AKAIN1: variants seen among roughly 807,000 people sequenced by gnomAD.
AKAIN1 encodes A-kinase anchor inhibitor 1.
In AKAIN1, 3 loss-of-function variants were observed where a neutral mutation model predicts 3.7. That is an observed-to-expected ratio of 0.82 (90% CI 0.37 to 2.12). The LOEUF (loss-of-function observed/expected upper bound fraction) is 2.12, where lower values mean the gene tolerates loss of function less well. Ranked by LOEUF, AKAIN1 falls within the 30% of genes most tolerant of loss-of-function variation. AKAIN1 has a pLI of 0.06. For synonymous variants in AKAIN1, 31 were observed against 30.8 expected, an observed-to-expected ratio of 1.01 and a Z score of -0.02; for missense variants, 82 against 82.7, an observed-to-expected ratio of 0.99 and a Z score of 0.03.
At chr18:5,154,006 AGGATCACTTGTGTCT>A (rs1453746617) in intron 1 of AKAIN1, among the ~76,000 whole-genome samples, 2 of 152,306 alleles carry the variant, frequency 1.3e-5, no homozygotes, top group Admixed American at 1.3e-4. Context: ...CTGGGGCGGG[AGGATCACTTGTGTCT>A]GGGAGATCGA....
chr18:5,169,762 T>C (rs763848482), intron 1 of AKAIN1, among the ~76,000 whole-genome samples: 1 of 152,182 alleles, frequency 6.6e-6, no homozygotes, highest in Non-Finnish European at 1.5e-5. Flanking sequence ...AAAAACATTT[T>C]GTCCCAATTA....
At chr18:5,151,134 C>A (rs775683294) in intron 1 of AKAIN1, among the ~76,000 whole-genome samples, 8 of 144,652 alleles carry the variant, frequency 5.5e-5, no homozygotes, top group Non-Finnish European at 1.3e-4. Flanking sequence ...CCACTCCCTG[C>A]ACACACACTG....
At position 5,142,941 on chromosome 18, in the gene AKAIN1, G is replaced by T. The variant is rs1305467791; in HGVS notation, c.*2621C>A. Among the ~76,000 whole-genome samples the T allele has an allele frequency of 5.3e-5, 8 of 152,212 alleles. No homozygotes were observed. Among genetic ancestry groups the T allele is most frequent in the African/African-American group, 1.4e-4 (6 of 41,466 alleles). On this transcript the variant is annotated 3_prime_UTR_variant, in exon 2 of 2. Coordinates refer to ENST00000434239, the MANE Select transcript of AKAIN1 (RefSeq NM_001145194.2). ...TTTACAATACTGTTTGCACTGAACAGATGATTACAGCAGAGAAAAGTAACA... is the reference window on the plus strand; with the variant it reads ...TTTACAATACTGTTTGCACTGAACATATGATTACAGCAGAGAAAAGTAACA...
chr18:5,161,769 T>A (rs1035070384), intron 1 of AKAIN1, among the ~76,000 whole-genome samples: 10 of 152,182 alleles, frequency 6.6e-5, no homozygotes, highest in African/African-American at 2.4e-4. Context: ...TTTTCTCACA[T>A]CCACTGAGAT....
intron 1 of AKAIN1, among the ~76,000 whole-genome samples, chr18:5,177,745 T>G (rs2071234410): frequency 6.6e-6 from 1 of 152,182 alleles, no homozygotes; most frequent in Non-Finnish European, 1.5e-5. Context: ...ATAGAAGCCT[T>G]GAACCTAACT....
Position 5,145,593 on chromosome 18 carries a change from C to G in AKAIN1, c.179G>C (p.Gly60Ala), listed in dbSNP as rs929178332. The G allele has an allele frequency of 1.3e-6, 2 of 1,551,578 alleles. No individual in the cohort carries two copies. Among genetic ancestry groups the G allele is most frequent in the Admixed American group, 3.9e-5 (2 of 50,988 alleles). ...CTTTTCGTGCTTCTTGGTTAACTCC[C>G]CAACGCCCAGTTGGATGTGGTCCCG... ...DNRDHIQLGVGELTKKHEKK is the reference protein window; with the variant it reads ...DNRDHIQLGVAELTKKHEKK Residue 60 changes from glycine to alanine, a missense_variant, in exon 2 of 2, where the codon GGG (glycine) becomes GCG (alanine). By Grantham distance (60) the Gly-to-Ala change is moderately conservative. Transcript: ENST00000434239.
At chr18:5,168,044 G>A (rs577121629) in intron 1 of AKAIN1, among the ~76,000 whole-genome samples, 1 of 152,116 alleles carries the variant, frequency 6.6e-6, no homozygotes, top group East Asian at 1.9e-4. Context: ...TCCTTTCCCT[G>A]TACCCAAACC....
intron 1 of AKAIN1, among the ~76,000 whole-genome samples, chr18:5,152,204 A>C (rs969797557): frequency 1.3e-5 from 2 of 152,222 alleles, no homozygotes; most frequent in Admixed American, 6.5e-5. Flanking sequence ...TCAACACTAG[A>C]TACTGCCAGT....
chr18:5,197,001 T>C lies in AKAIN1; in HGVS notation c.16+37A>G. On this transcript the variant is annotated intron_variant, in intron 1 of 1. Coordinates refer to ENST00000434239, the MANE Select transcript of AKAIN1 (RefSeq NM_001145194.2). The surrounding 1 kb of genome is among the most constrained non-coding windows in gnomAD (Gnocchi z 6.9). ...CTCTCCGTCCTCTACCCTGCTCCCCTCCTAGACACTTGGTGAAAAAGCAAG... is the reference window on the plus strand; with the variant it reads ...CTCTCCGTCCTCTACCCTGCTCCCCCCCTAGACACTTGGTGAAAAAGCAAG... The C allele has an allele frequency of 6.5e-7, 1 of 1,526,778 alleles. No homozygotes were observed. The highest frequency in any genetic ancestry group is 2.5e-5 in the East Asian group (1 of 40,752). The allele number at this position is 1,526,778 out of a possible 1,614,324, so 94.6% of individuals were successfully genotyped here. A position where few individuals can be genotyped will look rare whatever the true frequency, so the allele number is the denominator to read the frequency against.
At chr18:5,187,185 G>A (rs2071292705) in intron 1 of AKAIN1, among the ~76,000 whole-genome samples, 1 of 152,100 alleles carries the variant, frequency 6.6e-6, no homozygotes, top group Non-Finnish European at 1.5e-5. Flanking sequence ...ATAATAAAGA[G>A]CAGGAATCAA....
In AKAIN1 at chr18:5,144,815, T is replaced by C. The variant is rs1376624767; in HGVS notation, c.*747A>G. On this transcript the variant is annotated 3_prime_UTR_variant, in exon 2 of 2. Coordinates refer to ENST00000434239, the MANE Select transcript of AKAIN1 (RefSeq NM_001145194.2). ...ATGAGGCTGCTAAGGAAATGAGTCA[T>C]TGGCAACTCACATGTGTAGACTCAC... 6.6e-6 allele frequency among the ~76,000 whole-genome samples: 1 copy of C among 152,204 alleles called. No individual in the cohort carries two copies. Among genetic ancestry groups the C allele is most frequent in the Non-Finnish European group, 1.5e-5 (1 of 68,034 alleles).
At chr18:5,162,299 G>A (rs542215252) in intron 1 of AKAIN1, among the ~76,000 whole-genome samples, 23 of 152,190 alleles carry the variant, frequency 1.5e-4, no homozygotes, top group African/African-American at 5.5e-4. Flanking sequence ...AAATCCTGCT[G>A]CTCTGACTGC....
chr18:5,145,373 A>G lies in AKAIN1; in HGVS notation c.*189T>C. ...CACTATGTCTCAGAGGCACTGCATA[A>G]ATATGAACAGAATCGTCTAATGCAC... On this transcript the variant is annotated 3_prime_UTR_variant, in exon 2 of 2. Coordinates refer to ENST00000434239, the MANE Select transcript of AKAIN1 (RefSeq NM_001145194.2). The G allele has an allele frequency of 2.0e-6, 1 of 511,838 alleles. No individual in the cohort carries two copies. The highest frequency in any genetic ancestry group is 3.9e-5 in the South Asian group (1 of 25,356). 31.7% of individuals were successfully genotyped at this position (511,838 alleles called of 1,614,324 possible).
chr18:5,171,980 AC>A (rs1350708446), intron 1 of AKAIN1, among the ~76,000 whole-genome samples: 19 of 152,332 alleles, frequency 1.2e-4, no homozygotes, highest in Middle Eastern at 6.8e-3. Flanking sequence ...AAAATGTGGT[AC>A]ACATACATAA....
intron 1 of AKAIN1, among the ~76,000 whole-genome samples, chr18:5,173,040 TA>T (rs1248694768): frequency 3.3e-5 from 5 of 152,118 alleles, no homozygotes; most frequent in Non-Finnish European, 7.4e-5. Flanking sequence ...ATTGAATCAT[TA>T]AAATCCCACA....
At chr18:5,189,587 T>C (rs2071307361) in intron 1 of AKAIN1, among the ~76,000 whole-genome samples, 1 of 152,156 alleles carries the variant, frequency 6.6e-6, no homozygotes, top group Non-Finnish European at 1.5e-5. Context: ...CACAATTCAG[T>C]CCATGTCCTT....
intron 1 of AKAIN1, among the ~76,000 whole-genome samples, chr18:5,160,156 C>T (rs932277772): frequency 6.6e-6 from 1 of 152,158 alleles, no homozygotes; most frequent in Non-Finnish European, 1.5e-5. Flanking sequence ...CTCAAATTCG[C>T]TAAGTATTGC....
At chr18:5,152,851 CGATGGCGCT>C (rs1456102491) in intron 1 of AKAIN1, among the ~76,000 whole-genome samples, 1 of 151,954 alleles carries the variant, frequency 6.6e-6, no homozygotes, top group Non-Finnish European at 1.5e-5. Context: ...GGGAGACGGG[CGATGGCGCT>C]GAAGAAAGGA....
chr18:5,196,569 G>A (rs1223010912), intron 1 of AKAIN1, among the ~76,000 whole-genome samples: 1 of 152,182 alleles, frequency 6.6e-6, no homozygotes, highest in Non-Finnish European at 1.5e-5. Flanking sequence ...CCTTGGCTTC[G>A]CCCACTTCGC....
Sources: allele counts gnomAD v4.1 joint callset (sites outside exome capture counted in the v4.1 genomes callset), GRCh38; gene constraint gnomAD v4.1.1; non-coding constraint Gnocchi (gnomAD v3.1); transcripts MANE v1.5; gene names NCBI Gene and HGNC (gene_info 2026-07-23, HGNC 2026-07-21).